Variants in FNIP2 observed in about 807,000 individuals in gnomAD.
The protein encoded by FNIP2 is folliculin-interacting protein 2.
Under a neutral mutation model 108.7 loss-of-function variants are expected in FNIP2, and 32 were observed. That is an observed-to-expected ratio of 0.29 (90% CI 0.22 to 0.40). FNIP2 has a LOEUF of 0.40. Among genes scored for constraint, FNIP2 ranks in the 10% least tolerant of loss-of-function variants. The probability of loss-of-function intolerance (pLI) is 1.00; values close to 1 mark genes in which losing one functional copy is unlikely to be tolerated. For missense variants in FNIP2, 1,202 were observed against 1,381.6 expected, an observed-to-expected ratio of 0.87 and a Z score of 2.06; for synonymous variants, 480 against 496.7, an observed-to-expected ratio of 0.97 and a Z score of 0.45.
rs767917634 is a variant in FNIP2 at position 158,904,778 on chromosome 4, T to C, written c.*234T>C. 1 of 491,484 alleles carries C rather than the reference T, an allele frequency of 2.0e-6. No individual in the cohort carries two copies. The highest frequency in any genetic ancestry group is 5.6e-4 in the Middle Eastern group (1 of 1,798). The allele number at this position is 491,484 out of a possible 1,614,324, so 30.4% of individuals were successfully genotyped here. A position where few individuals can be genotyped will look rare whatever the true frequency, so the allele number is the denominator to read the frequency against. The stretch of plus-strand genomic sequence containing the variant: ...AACACTTTAGGCCATTTGTTACCCA[T>C]GAATCAACAAAGAAACTGACCTTTT... On this transcript the variant is annotated 3_prime_UTR_variant, in exon 17 of 17. Transcript: ENST00000264433.
At chr4:158,882,224 C>A (rs1277248661) in intron 14 of FNIP2, among the ~76,000 whole-genome samples, 5 of 151,834 alleles carry the variant, frequency 3.3e-5, no homozygotes, top group African/African-American at 9.7e-5. Flanking sequence ...AGCCCCTCCG[C>A]CCGGCAGCCG....
chr4:158,816,854 C>A (rs1777606184), intron 1 of FNIP2, among the ~76,000 whole-genome samples: 1 of 145,446 alleles, frequency 6.9e-6, no homozygotes, highest in Non-Finnish European at 1.5e-5. Context: ...CAGTAAAGCT[C>A]TTTTTTTTTT....
intron 1 of FNIP2, among the ~76,000 whole-genome samples, chr4:158,788,951 A>T (rs1281227661): frequency 6.6e-6 from 1 of 152,222 alleles, no homozygotes; most frequent in Non-Finnish European, 1.5e-5. Flanking sequence ...TAAAAGGAAA[A>T]GCTTATGCGA....
chr4:158,805,014 TAA>T, intron 1 of FNIP2, among the ~76,000 whole-genome samples: 1 of 152,340 alleles, frequency 6.6e-6, no homozygotes, highest in Admixed American at 6.5e-5. Flanking sequence ...ATTATATATA[TAA>T]GATTGTCTTA....
At chr4:158,863,727 G>A (rs1780420305) in intron 12 of FNIP2, among the ~76,000 whole-genome samples, 1 of 152,210 alleles carries the variant, frequency 6.6e-6, no homozygotes, top group Admixed American at 6.5e-5. Flanking sequence ...GATGCATTGA[G>A]GTTGCAGTAT....
chr4:158,842,860 A>T (rs1283729493), intron 7 of FNIP2, among the ~76,000 whole-genome samples: 3 of 152,176 alleles, frequency 2.0e-5, no homozygotes, highest in Non-Finnish European at 4.4e-5. Context: ...GGACCCTTTA[A>T]AGTCCTAAAA....
At chr4:158,800,060 G>T (rs1776710811) in intron 1 of FNIP2, among the ~76,000 whole-genome samples, 1 of 152,128 alleles carries the variant, frequency 6.6e-6, no homozygotes. Context: ...TAGATATGAA[G>T]TAGTTACAAA....
chr4:158,897,553 A>G (rs1782803487), intron 16 of FNIP2, among the ~76,000 whole-genome samples: 1 of 152,194 alleles, frequency 6.6e-6, no homozygotes, highest in Non-Finnish European at 1.5e-5. Flanking sequence ...GTGAGATGGT[A>G]TCTCATTGTG....
At chr4:158,810,114 A>C (rs1200674655) in intron 1 of FNIP2, among the ~76,000 whole-genome samples, 1 of 152,232 alleles carries the variant, frequency 6.6e-6, no homozygotes, top group Non-Finnish European at 1.5e-5. Flanking sequence ...AGACCAAAGA[A>C]TTCTGAAGAG....
At chr4:158,893,473 G>A in intron 15 of FNIP2, 2 of 495,712 alleles carry the variant, frequency 4.0e-6, no homozygotes, top group South Asian at 3.5e-5. Flanking sequence ...CTATTAGTAT[G>A]ATAGTCAATA....
In FNIP2 at chr4:158,769,282, GC is replaced by G; in HGVS notation, c.73del (p.Gln25ArgfsTer20). ...GSSGSSAAASAQGRAPKEGPA... is the reference protein window; with the variant it reads ...GSSGSSAAASXQGRAPKEGPA... ...CAGCGGCAGCTCCGCGGCGGCGTCT[GC>G]CCAGGGCAGGGCTCCTAAGGAAGGA... On this transcript the variant is annotated frameshift_variant, in exon 1 of 17. Coordinates refer to ENST00000264433, the MANE Select transcript of FNIP2 (RefSeq NM_020840.3). LOFTEE classifies it high-confidence loss of function. The G allele has an allele frequency of 6.5e-7, 1 of 1,540,680 alleles. No individual in the cohort carries two copies. Among genetic ancestry groups the G allele is most frequent in the Non-Finnish European group, 8.7e-7 (1 of 1,146,880 alleles).
chr4:158,779,043 G>A (rs1050009866), intron 1 of FNIP2, among the ~76,000 whole-genome samples: 1 of 152,224 alleles, frequency 6.6e-6, no homozygotes, highest in Non-Finnish European at 1.5e-5. Flanking sequence ...CAGTGGTAGG[G>A]TGGTGGGGAA....
intron 7 of FNIP2, among the ~76,000 whole-genome samples, chr4:158,849,604 C>T (rs878892936): frequency 6.6e-6 from 1 of 152,048 alleles, no homozygotes; most frequent in South Asian, 2.1e-4. Context: ...AGGACAGAAA[C>T]GTCTAATTAG....
Position 158,891,603 on chromosome 4 carries a change from A to C in FNIP2, c.3107A>C (p.Gln1036Pro), listed in dbSNP as rs1186506062. The C allele has an allele frequency of 6.2e-7, 1 of 1,612,942 alleles. No individual in the cohort carries two copies. Among genetic ancestry groups the C allele is most frequent in the Non-Finnish European group, 8.5e-7 (1 of 1,179,546 alleles). ...LVSSQVSSLL[Q>P]SILQLYKLHL... The stretch of plus-strand genomic sequence containing the variant: ...TCTAGTCAGGTGTCCAGTTTGCTTC[A>C]GTCCATTTTACAGCTCTATAAGCTT... The change falls in exon 15 of 17, where the codon CAG (glutamine) becomes CCG (proline). Residue 1036 changes from glutamine to proline, a missense_variant. This residue lies in a region of FNIP2 where 142 missense variants were observed against 183.8 expected (regional missense o/e 0.77). Transcript: ENST00000264433.
chr4:158,858,636 C>T (rs1780117960), intron 8 of FNIP2, among the ~76,000 whole-genome samples: 1 of 152,034 alleles, frequency 6.6e-6, no homozygotes, highest in Non-Finnish European at 1.5e-5. Flanking sequence ...CCTGGAAGTA[C>T]CAGTACATGT....
intron 6 of FNIP2, chr4:158,834,319 T>TCTCTCTCTCTCTCTCTCTCTCTCTCC (rs1328307802): frequency 6.7e-6 from 1 of 149,712 alleles, no homozygotes; most frequent in African/African-American, 2.5e-5. Flanking sequence ...TCTCTCTCTC[T>TCTCTCTCTCTCTCTCTCTCTCTCTCC]CTCTCTCTCT....
intron 1 of FNIP2, among the ~76,000 whole-genome samples, chr4:158,788,707 A>C (rs1350336797): frequency 6.6e-6 from 1 of 152,216 alleles, no homozygotes; most frequent in Non-Finnish European, 1.5e-5. Context: ...CACATAGAAA[A>C]GGCTAGACTC....
chr4:158,811,653 G>A (rs1346362328), intron 1 of FNIP2, among the ~76,000 whole-genome samples: 1 of 146,420 alleles, frequency 6.8e-6, no homozygotes, highest in African/African-American at 2.5e-5. Flanking sequence ...GTGAAGCTTT[G>A]TTGATTACAC....
At chr4:158,794,356 A>G (rs552974895) in intron 1 of FNIP2, among the ~76,000 whole-genome samples, 24 of 152,192 alleles carry the variant, frequency 1.6e-4, no homozygotes, top group African/African-American at 5.8e-4. Flanking sequence ...GGGTCTCCCT[A>G]TGTTGCCCAG....
Sources: gnomAD v4.1 joint callset for allele counts (sites outside exome capture counted in the v4.1 genomes callset) on GRCh38, gnomAD v4.1.1 for gene constraint, gnomAD v4.1.1 regional missense constraint, MANE v1.5 for transcripts, NCBI Gene and HGNC (gene_info 2026-07-23, HGNC 2026-07-21) for gene names.